Variants in ADAMTS14 observed in about 807,000 individuals in gnomAD.
ADAMTS14 encodes the protein ADAM metallopeptidase with thrombospondin type 1 motif 14, also known as A disintegrin and metalloproteinase with thrombospondin motifs 14.
Under a neutral mutation model 128.6 loss-of-function variants are expected in ADAMTS14, and 100 were observed. The observed-to-expected ratio is 0.78, with a 90% confidence interval of 0.66 to 0.92. The LOEUF is 0.92. ADAMTS14 is among the 40% of genes least tolerant of loss of function. The probability of loss-of-function intolerance (pLI) is 0.00; values close to 1 mark genes in which losing one functional copy is unlikely to be tolerated. For synonymous variants in ADAMTS14, 665 were observed against 653.8 expected (o/e 1.02, Z -0.26); for missense variants, 1,562 against 1,658.6 (o/e 0.94, Z 1.01).
chr10:70,695,122 C>G (rs773407575), intron 2 of ADAMTS14, among the ~76,000 whole-genome samples: 1 of 152,196 alleles, frequency 6.6e-6, no homozygotes, highest in Non-Finnish European at 1.5e-5. Flanking sequence ...TATTGAACAT[C>G]TTTTCATGTG....
At position 70,752,019 on chromosome 10, in the gene ADAMTS14, T is replaced by C. The variant is rs866220213; in HGVS notation, c.2597-76T>C. 46 of 1,551,788 alleles carry C rather than the reference T, an allele frequency of 3.0e-5. No homozygotes were observed. The Middle Eastern group carries it at 3.7e-3, about 125-fold the overall frequency. On this transcript the variant is annotated intron_variant, in intron 17 of 21. Coordinates refer to ENST00000373207, the MANE Select transcript of ADAMTS14 (RefSeq NM_080722.4). ...ATTGGCCCACAAGGCTCTCCACAGG[T>C]ACTGCCCCTGAGGCCCCACCAGGGC...
chr10:70,715,691 T>C (rs1841016410), intron 4 of ADAMTS14, among the ~76,000 whole-genome samples: 1 of 152,170 alleles, frequency 6.6e-6, no homozygotes, highest in African/African-American at 2.4e-5. Flanking sequence ...AGAGGTCTTT[T>C]GATGGGCTAT....
In ADAMTS14 at chr10:70,762,159, T is replaced by C. The variant is rs1842625811; in HGVS notation, c.*1306T>C. On this transcript the variant is annotated 3_prime_UTR_variant, in exon 22 of 22. Coordinates refer to ENST00000373207, the MANE Select transcript of ADAMTS14 (RefSeq NM_080722.4). ...TGTCTCCTAAACTCCTGCCAGGTGATAGAGGTGCTTCTCACTTCTTCCTTC... is the reference window on the plus strand; with the variant it reads ...TGTCTCCTAAACTCCTGCCAGGTGACAGAGGTGCTTCTCACTTCTTCCTTC... 1 of 49,108 alleles carries C rather than the reference T, an allele frequency of 2.0e-5. No individual in the cohort carries two copies. The highest frequency in any genetic ancestry group is 6.3e-4 in the East Asian group (1 of 1,582). 3.0% of individuals were successfully genotyped at this position (49,108 alleles called of 1,614,324 possible). A position where few individuals can be genotyped will look rare whatever the true frequency, so the allele number is the denominator to read the frequency against.
chr10:70,672,833 C>G lies in ADAMTS14; in HGVS notation c.31C>G (p.Leu11Val). 6.6e-7 allele frequency: 1 copy of G among 1,517,892 alleles called. No homozygotes were observed. The highest frequency in any genetic ancestry group is 1.4e-5 in the African/African-American group (1 of 69,436). 94.0% of individuals were successfully genotyped at this position (1,517,892 alleles called of 1,614,324 possible). The stretch of plus-strand genomic sequence containing the variant: ...TCCACTCCGCGCGCTGCTGTCCTAC[C>G]TGCTGCCTTTGCACTGTGCGCTCTG... MAPLRALLSYLLPLHCALCAA... is the reference protein window; with the variant it reads MAPLRALLSYVLPLHCALCAA... Residue 11 changes from leucine (L) to valine (V), a missense_variant, in exon 1 of 22, where the codon CTG becomes GTG. Coordinates refer to ENST00000373207, the MANE Select transcript of ADAMTS14 (RefSeq NM_080722.4).
In ADAMTS14 at chr10:70,672,697, C is replaced by T; in HGVS notation, c.-106C>T. 4.6e-6 allele frequency: 6 copies of T among 1,301,234 alleles called. No individual in the cohort carries two copies. Among genetic ancestry groups the T allele is most frequent in the Non-Finnish European group, 5.9e-6 (6 of 1,023,754 alleles). The allele number at this position is 1,301,234 out of a possible 1,614,324, so 80.6% of individuals were successfully genotyped here. A position where few individuals can be genotyped will look rare whatever the true frequency, so the allele number is the denominator to read the frequency against. ...GAGGCGGCTGAGGCGGCAGCGGCGG[C>T]AGCCAGCCGGTGCTCCGACAGCCCG... On this transcript the variant is annotated 5_prime_UTR_variant, in exon 1 of 22. Transcript: ENST00000373207.
intron 12 of ADAMTS14, among the ~76,000 whole-genome samples, chr10:70,741,726 C>T (rs1842006993): frequency 1.3e-5 from 2 of 152,194 alleles, no homozygotes; most frequent in Admixed American, 6.5e-5. Context: ...TGCCCTGGGA[C>T]ATACACAGGA....
chr10:70,687,965 A>ACCCC (rs1258101292), intron 2 of ADAMTS14, among the ~76,000 whole-genome samples: 1 of 29,130 alleles, frequency 3.4e-5, no homozygotes, highest in Non-Finnish European at 6.3e-5. Flanking sequence ...CGGGGGGCTG[A>ACCCC]CCCCCCCCCC....
chr10:70,736,688 C>T lies in ADAMTS14; in HGVS notation c.1494C>T (p.Thr498=), dbSNP rs778402881. The stretch of plus-strand genomic sequence containing the variant: ...ATTCCCTTGCCATGCAGTTCAGGAC[C>T]TTTGAGCCCTGCAAGCAGCTGTGGT... ...SGYQTCLAFR[T]FEPCKQLWCS... Residue 498 remains threonine (T), a synonymous_variant, in exon 10 of 22, where the codon ACC becomes ACT. Transcript: ENST00000373207. 2.5e-6 allele frequency: 4 copies of T among 1,613,798 alleles called. No homozygotes were observed. The highest frequency in any genetic ancestry group is 2.2e-5 in the East Asian group (1 of 44,880).
intron 4 of ADAMTS14, among the ~76,000 whole-genome samples, 181 bp downstream of exon 4, chr10:70,708,959 G>A (rs1341172069): frequency 6.6e-6 from 1 of 152,194 alleles, no homozygotes; most frequent in Non-Finnish European, 1.5e-5. Context: ...AGCCAGGTTC[G>A]ATGGTGTAAT....
intron 12 of ADAMTS14, 45 bp from the exon 13 acceptor site, chr10:70,743,503 T>A: frequency 6.3e-7 from 1 of 1,595,146 alleles, no homozygotes; most frequent in Non-Finnish European, 8.5e-7. Flanking sequence ...TGGGCCACTT[T>A]CTCTGAGCCC....
rs1255958528 is a variant in ADAMTS14 at position 70,691,207 on chromosome 10, C to A, written c.523-11105C>A. Among the ~76,000 whole-genome samples the A allele has an allele frequency of 2.1e-5, 3 of 144,182 alleles. 1 individual carries two copies. Among genetic ancestry groups the A allele is most frequent in the Non-Finnish European group, 4.8e-5 (3 of 63,036 alleles). The allele number at this position is 144,182 out of a possible 152,430, so 94.6% of individuals were successfully genotyped here. A position where few individuals can be genotyped will look rare whatever the true frequency, so the allele number is the denominator to read the frequency against. On this transcript the variant is annotated intron_variant, in intron 2 of 21. Coordinates refer to ENST00000373207, the MANE Select transcript of ADAMTS14 (RefSeq NM_080722.4). ...CCACCCCTCCTTTAAGAACTTCAAG[C>A]TTTTGGCTGGGCACGGTGGCTCACA... is the stretch of plus-strand genomic sequence containing the variant.
intron 15 of ADAMTS14, 24 bp downstream of exon 15, chr10:70,745,330 G>C: frequency 6.2e-7 from 1 of 1,610,920 alleles, no homozygotes; most frequent in Non-Finnish European, 8.5e-7. Context: ...TGCTGGGAGG[G>C]GACAGCAGGG....
chr10:70,691,548 A>G (rs1840190958), intron 2 of ADAMTS14, among the ~76,000 whole-genome samples: 1 of 106,718 alleles, frequency 9.4e-6, no homozygotes, highest in Admixed American at 9.2e-5. Flanking sequence ...TGATGATCTG[A>G]GCAGCTCTGT....
chr10:70,730,137 C>T lies in ADAMTS14; in HGVS notation c.990C>T (p.Arg330=), dbSNP rs1184101935. ...LSLIERGNPS[R]SLEQVCRWAH... ...TGATCGAGCGCGGGAACCCCTCACGCAGCCTGGAGCAGGTGTGTCGCTGGG... is the reference window on the plus strand; with the variant it reads ...TGATCGAGCGCGGGAACCCCTCACGTAGCCTGGAGCAGGTGTGTCGCTGGG... Residue 330 remains arginine (R), a synonymous_variant, in exon 6 of 22, where the codon CGC becomes CGT. Coordinates refer to ENST00000373207, the MANE Select transcript of ADAMTS14 (RefSeq NM_080722.4). 3 of 1,611,164 alleles carry T rather than the reference C, an allele frequency of 1.9e-6. No individual in the cohort carries two copies.
intron 2 of ADAMTS14, among the ~76,000 whole-genome samples, chr10:70,696,971 A>G (rs565999549): frequency 7.0e-4 from 106 of 152,160 alleles, no homozygotes; most frequent in African/African-American, 2.0e-3. Flanking sequence ...TTTGTTTCCT[A>G]CAGTGGAACA....
At chr10:70,759,185 G>A (rs10823614) in intron 21 of ADAMTS14, among the ~76,000 whole-genome samples, 77,401 of 140,980 alleles carry the variant, frequency 0.55, 22,219 homozygotes, top group Admixed American at 0.61. Context: ...GTTTCCTGCC[G>A]TCTTCCTTCC....
chr10:70,729,192 C>T, intron 4 of ADAMTS14, 102 bp from the exon 5 acceptor site: 3 of 985,276 alleles, frequency 3.0e-6, no homozygotes, highest in Non-Finnish European at 4.8e-6. Context: ...CTGATAAGGT[C>T]ACGGTGGGGA....
At chr10:70,688,943 T>C (rs1840103377) in intron 2 of ADAMTS14, among the ~76,000 whole-genome samples, 1 of 138,554 alleles carries the variant, frequency 7.2e-6, no homozygotes, top group Admixed American at 7.7e-5. Flanking sequence ...TTTACACCTT[T>C]GGTCTGTCCA....
chr10:70,756,958 T>G (rs1158283488), intron 19 of ADAMTS14, among the ~76,000 whole-genome samples: 1 of 152,116 alleles, frequency 6.6e-6, no homozygotes, highest in Non-Finnish European at 1.5e-5. Context: ...AGCTGCTGTT[T>G]GTAATGATTC....
Sources: gnomAD v4.1 joint callset for allele counts (sites outside exome capture counted in the v4.1 genomes callset) on GRCh38, gnomAD v4.1.1 for gene constraint, MANE v1.5 for transcripts, NCBI Gene and HGNC (gene_info 2026-07-23, HGNC 2026-07-21) for gene names.